The following SPOCK1 variants were observed in gnomAD, a reference collection of about 807,000 sequenced individuals.
The protein encoded by SPOCK1 is SPARC (osteonectin), cwcv and kazal like domains proteoglycan 1.
A neutral mutation model predicts 55.3 loss-of-function variants in SPOCK1; 23 were observed. The ratio of observed to expected loss-of-function variants is 0.42; its 90% CI spans 0.30 to 0.59. SPOCK1 has a LOEUF of 0.59. Among genes scored for constraint, SPOCK1 ranks in the 20% least tolerant of loss-of-function variants. SPOCK1 has a pLI of 0.22. For synonymous variants in SPOCK1, 226 were observed against 221.0 expected, an observed-to-expected ratio of 1.02 and a Z score of -0.20; for missense variants, 499 against 552.5, an observed-to-expected ratio of 0.90 and a Z score of 0.97.
chr5:137,295,121 G>A (rs9327782), intron 2 of SPOCK1, among the ~76,000 whole-genome samples: 50,333 of 152,084 alleles, frequency 0.33, 8,551 homozygotes, highest in East Asian at 0.45. Context: ...CTTGACCCAC[G>A]GGAGATACTG....
chr5:137,301,712 C>T (rs1757594259), intron 2 of SPOCK1, among the ~76,000 whole-genome samples: 1 of 141,302 alleles, frequency 7.1e-6, no homozygotes, highest in Non-Finnish European at 1.5e-5. Flanking sequence ...AGAACAATGA[C>T]ACAGTTTACT....
intron 6 of SPOCK1, among the ~76,000 whole-genome samples, chr5:137,010,224 G>A (rs1045990030): frequency 2.0e-5 from 3 of 152,010 alleles, no homozygotes; most frequent in African/African-American, 7.3e-5. Context: ...CCAAAAGTCG[G>A]CATCAATATA....
intron 2 of SPOCK1, 30 bp downstream of exon 2, chr5:137,498,343 C>A (rs746247494): frequency 6.5e-7 from 1 of 1,549,556 alleles, no homozygotes; most frequent in Non-Finnish European, 8.7e-7. Flanking sequence ...GGCTCCGCGC[C>A]CCCCAGGGCC....
chr5:137,201,017 C>A (rs528938784), intron 3 of SPOCK1, among the ~76,000 whole-genome samples: 4 of 152,110 alleles, frequency 2.6e-5, no homozygotes, highest in Non-Finnish European at 5.9e-5. Context: ...CCACTGGCAT[C>A]TTTAGAATGT....
At chr5:137,300,441 A>G (rs1757567949) in intron 2 of SPOCK1, among the ~76,000 whole-genome samples, 1 of 152,228 alleles carries the variant, frequency 6.6e-6, no homozygotes, top group Non-Finnish European at 1.5e-5. Flanking sequence ...TGTATTGTAT[A>G]GAACATACTG....
At chr5:137,209,860 T>C (rs1025101732) in intron 3 of SPOCK1, among the ~76,000 whole-genome samples, 1 of 152,216 alleles carries the variant, frequency 6.6e-6, no homozygotes, top group African/African-American at 2.4e-5. Flanking sequence ...AAAAATAAAC[T>C]TTCTCAAACA....
At chr5:136,990,812 G>T (rs1247351826) in intron 7 of SPOCK1, among the ~76,000 whole-genome samples, 1 of 152,178 alleles carries the variant, frequency 6.6e-6, no homozygotes, top group Non-Finnish European at 1.5e-5. Flanking sequence ...GTGCCAATCT[G>T]GTTGGGCAGT....
intron 5 of SPOCK1, among the ~76,000 whole-genome samples, chr5:137,088,796 G>A (rs558203475): frequency 2.0e-5 from 3 of 152,306 alleles, no homozygotes; most frequent in African/African-American, 7.2e-5. Flanking sequence ...TACCATGGGG[G>A]TTGAAAGATG....
At chr5:137,471,423 G>T (rs149982212) in intron 2 of SPOCK1, among the ~76,000 whole-genome samples, 9 of 152,200 alleles carry the variant, frequency 5.9e-5, no homozygotes, top group African/African-American at 2.2e-4. Flanking sequence ...GATGATGATG[G>T]CACCTACTTC....
chr5:137,296,563 G>A (rs1757489354), intron 2 of SPOCK1, among the ~76,000 whole-genome samples: 1 of 152,136 alleles, frequency 6.6e-6, no homozygotes, highest in South Asian at 2.1e-4. Context: ...TGTTGGACAA[G>A]TGCTGCCCAG....
intron 3 of SPOCK1, among the ~76,000 whole-genome samples, chr5:137,196,119 T>A (rs947485354): frequency 6.6e-6 from 1 of 152,144 alleles, no homozygotes; most frequent in Non-Finnish European, 1.5e-5. Flanking sequence ...CATTACCTCA[T>A]AGATCATTGC....
chr5:137,155,309 G>T (rs1034678856), intron 3 of SPOCK1, among the ~76,000 whole-genome samples: 4 of 152,124 alleles, frequency 2.6e-5, no homozygotes, highest in African/African-American at 9.7e-5. Context: ...GCTGCCCTTG[G>T]TGCCAGAATG....
chr5:137,457,751 A>G (rs1386839382), intron 2 of SPOCK1, among the ~76,000 whole-genome samples: 1 of 152,218 alleles, frequency 6.6e-6, no homozygotes, highest in Non-Finnish European at 1.5e-5. Context: ...GAATTACTAC[A>G]TTCCTTTTAT....
In SPOCK1 at chr5:137,267,053, A is replaced by C; in HGVS notation, c.189T>G (p.Asp63Glu). 2 of 1,612,518 alleles carry C rather than the reference A, an allele frequency of 1.2e-6. No homozygotes were observed. Among genetic ancestry groups the C allele is most frequent in the Non-Finnish European group, 1.7e-6 (2 of 1,178,662 alleles). The change falls in exon 3 of 11, where the codon GAT (aspartate) becomes GAG (glutamate). Residue 63 changes from aspartate (D) to glutamate (E), a missense_variant and splice_region_variant. Transcript: ENST00000394945. Reference protein sequence around the residue: ...RDKYWNRFRDDDYFRNWNPNK... With the variant: ...RDKYWNRFRDEDYFRNWNPNK... The stretch of plus-strand genomic sequence containing the variant: ...TGGGATTCCAGTTTCTGAAATAATC[A>C]TCCTATATAAGGAAAAAATAGAAAA...
chr5:137,390,724 T>C (rs554072763), intron 2 of SPOCK1, among the ~76,000 whole-genome samples: 1 of 152,336 alleles, frequency 6.6e-6, no homozygotes, highest in South Asian at 2.1e-4. Flanking sequence ...AAATCTGTTC[T>C]GAGCCCCTAC....
At chr5:137,079,876 C>G (rs1239269028) in intron 5 of SPOCK1, among the ~76,000 whole-genome samples, 3 of 152,104 alleles carry the variant, frequency 2.0e-5, no homozygotes, top group African/African-American at 7.2e-5. Context: ...AGTGACATTT[C>G]CAGCCCACCC....
rs549950138 is a variant in SPOCK1 at position 136,977,043 on chromosome 5, A to T, written c.*1611T>A. 6.6e-6 allele frequency: 1 copy of T among 152,470 alleles called. No homozygotes were observed. The highest frequency in any genetic ancestry group is 1.9e-4 in the East Asian group (1 of 5,170). The allele number at this position is 152,470 out of a possible 1,614,324, so 9.4% of individuals were successfully genotyped here. A position where few individuals can be genotyped will look rare whatever the true frequency, so the allele number is the denominator to read the frequency against. On this transcript the variant is annotated 3_prime_UTR_variant, in exon 11 of 11. Coordinates refer to ENST00000394945, the MANE Select transcript of SPOCK1 (RefSeq NM_004598.4). ...TCATGGGGGAAGGCAAGAGATAGAT[A>T]TGTGGGCCAGAGAGGCTTGCTTGGG...
At chr5:137,324,887 T>C (rs936713179) in intron 2 of SPOCK1, among the ~76,000 whole-genome samples, 3 of 151,982 alleles carry the variant, frequency 2.0e-5, no homozygotes, top group Non-Finnish European at 4.4e-5. Context: ...CCCCAAAATT[T>C]CGTTTCCAAA....
intron 2 of SPOCK1, among the ~76,000 whole-genome samples, chr5:137,432,309 G>A (rs150303672): frequency 6.6e-6 from 1 of 152,332 alleles, no homozygotes; most frequent in East Asian, 1.9e-4. Flanking sequence ...GTATACCCAT[G>A]CTCATGGCAG....
Sources: gnomAD v4.1 joint callset for allele counts (sites outside exome capture counted in the v4.1 genomes callset) on GRCh38, gnomAD v4.1.1 for gene constraint, MANE v1.5 for transcripts, NCBI Gene and HGNC (gene_info 2026-07-23, HGNC 2026-07-21) for gene names.